Variants in CPNE8 observed in about 807,000 individuals in gnomAD.
CPNE8 encodes copine-8.
Under a neutral mutation model 81.5 loss-of-function variants are expected in CPNE8, and 45 were observed. The observed-to-expected ratio is 0.55, with a 90% CI of 0.44 to 0.71. The LOEUF (loss-of-function observed/expected upper bound fraction) is 0.71. Among genes scored for constraint, CPNE8 ranks in the 30% least tolerant of loss-of-function variants. The pLI is 0.00. For missense variants in CPNE8, 594 were observed against 672.1 expected (o/e 0.88, Z 1.28); for synonymous variants, 252 against 226.3 (o/e 1.11, Z -1.02).
intron 1 of CPNE8, among the ~76,000 whole-genome samples, chr12:38,875,759 T>C (rs1944057101): frequency 6.6e-6 from 1 of 152,186 alleles, no homozygotes; most frequent in African/African-American, 2.4e-5. Flanking sequence ...ACATCAGACA[T>C]ACTCATATTT....
At chr12:38,864,192 C>CT (rs911445648) in intron 3 of CPNE8, among the ~76,000 whole-genome samples, 2 of 152,032 alleles carry the variant, frequency 1.3e-5, no homozygotes, top group African/African-American at 4.8e-5. Flanking sequence ...TTCTGTTGAG[C>CT]TGTGTAATGC....
chr12:38,821,437 T>C (rs554414614), intron 6 of CPNE8, among the ~76,000 whole-genome samples: 1 of 152,192 alleles, frequency 6.6e-6, no homozygotes, highest in Non-Finnish European at 1.5e-5. Flanking sequence ...ATTTGCTCTA[T>C]AAAGTTACCA....
intron 6 of CPNE8, among the ~76,000 whole-genome samples, chr12:38,797,942 G>A (rs1178176453): frequency 1.7e-4 from 26 of 152,072 alleles, no homozygotes; most frequent in Non-Finnish European, 2.9e-5. Flanking sequence ...TAGAAGAAAG[G>A]GTATCAGTGA....
At chr12:38,834,195 T>C (rs1943345322) in intron 5 of CPNE8, among the ~76,000 whole-genome samples, 2 of 152,176 alleles carry the variant, frequency 1.3e-5, no homozygotes, top group Non-Finnish European at 2.9e-5. Flanking sequence ...TATTCTCTTC[T>C]CCATTTGCAT....
At chr12:38,658,202 T>C (rs1938868851) in intron 19 of CPNE8, among the ~76,000 whole-genome samples, 3 of 152,070 alleles carry the variant, frequency 2.0e-5, no homozygotes, top group Admixed American at 2.0e-4. Context: ...GAGAAGACCT[T>C]AAATGACCTG....
chr12:38,905,331 G>T, intron 1 of CPNE8, 106 bp downstream of exon 1: 2 of 1,302,414 alleles, frequency 1.5e-6, no homozygotes, highest in Non-Finnish European at 2.1e-6. Context: ...CACTCATGGC[G>T]CAACTTCTTG....
chr12:38,682,368 G>A (rs1303893958), intron 16 of CPNE8, among the ~76,000 whole-genome samples: 3 of 152,026 alleles, frequency 2.0e-5, no homozygotes, highest in African/African-American at 2.4e-5. Flanking sequence ...GACCAGACTG[G>A]CCAACATGGC....
intron 6 of CPNE8, among the ~76,000 whole-genome samples, chr12:38,802,636 G>A (rs1053941577): frequency 2.6e-5 from 4 of 151,222 alleles, no homozygotes. Context: ...AAAGCTGGCA[G>A]AAGGCAAGAA....
In CPNE8 at chr12:38,809,067, G is replaced by T. The variant is rs566536317; in HGVS notation, c.407+20312C>A. ...AGTATGACCATTTGGAAAACAATTT[G>T]GTTACCTAATAAATTTCAAGCTGCT... On this transcript the variant is annotated intron_variant, in intron 6 of 19. Transcript: ENST00000331366. Among the ~76,000 whole-genome samples, 5 of 152,186 alleles carry T rather than the reference G, an allele frequency of 3.3e-5. No homozygotes were observed. The East Asian group carries it at 9.6e-4, about 29-fold the overall frequency.
At chr12:38,712,318 CT>C (rs1288943581) in intron 13 of CPNE8, among the ~76,000 whole-genome samples, 2 of 152,018 alleles carry the variant, frequency 1.3e-5, no homozygotes, top group East Asian at 3.9e-4. Flanking sequence ...ATCCCCGCCC[CT>C]GCACCTTAGC....
intron 12 of CPNE8, 140 bp downstream of exon 12, chr12:38,724,706 T>C (rs1394611902): frequency 5.3e-6 from 3 of 560,958 alleles, no homozygotes; most frequent in South Asian, 2.4e-5. Context: ...GATTTTTCTA[T>C]TGTGTTCCTT....
chr12:38,715,127 A>G (rs1161648687), intron 13 of CPNE8, among the ~76,000 whole-genome samples: 2 of 152,222 alleles, frequency 1.3e-5, no homozygotes, highest in East Asian at 1.9e-4. Context: ...TTGCAATTCA[A>G]TAAGTTATTT....
intron 10 of CPNE8, among the ~76,000 whole-genome samples, chr12:38,744,014 T>G (rs545847591): frequency 6.6e-6 from 1 of 152,316 alleles, no homozygotes; most frequent in Admixed American, 6.5e-5. Context: ...TAAACATATT[T>G]TTGTTTGGTT....
intron 3 of CPNE8, among the ~76,000 whole-genome samples, chr12:38,849,668 C>T (rs1592136528): frequency 1.3e-5 from 2 of 152,224 alleles, no homozygotes; most frequent in East Asian, 3.9e-4. Flanking sequence ...GGATCACTCC[C>T]AAAAAGAACA....
At chr12:38,815,074 A>G (rs892904429) in intron 6 of CPNE8, among the ~76,000 whole-genome samples, 2 of 152,084 alleles carry the variant, frequency 1.3e-5, no homozygotes, top group African/African-American at 2.4e-5. Flanking sequence ...GGTGTCGTCA[A>G]CCCCAGCTAT....
intron 3 of CPNE8, 40 bp from the exon 4 acceptor site, chr12:38,848,702 C>A (rs371892107): frequency 6.5e-7 from 1 of 1,544,700 alleles, no homozygotes; most frequent in Non-Finnish European, 8.7e-7. Context: ...AAACCTTGTA[C>A]GGCTACTTAT....
At chr12:38,856,547 T>A (rs1943738643) in intron 3 of CPNE8, among the ~76,000 whole-genome samples, 1 of 152,172 alleles carries the variant, frequency 6.6e-6, no homozygotes, top group Non-Finnish European at 1.5e-5. Context: ...TGTCATCAAC[T>A]AATGGCATGG....
At chr12:38,891,994 G>T (rs1033800508) in intron 1 of CPNE8, among the ~76,000 whole-genome samples, 2 of 152,178 alleles carry the variant, frequency 1.3e-5, no homozygotes, top group Non-Finnish European at 2.9e-5. Flanking sequence ...CAAAAAGAAT[G>T]TACAAGAAAT....
At chr12:38,753,238 G>C (rs573347322) in intron 10 of CPNE8, among the ~76,000 whole-genome samples, 1 of 152,100 alleles carries the variant, frequency 6.6e-6, no homozygotes, top group Admixed American at 6.5e-5. Context: ...GATCACTTGA[G>C]CTCAGGAGTT....
Sources: allele counts gnomAD v4.1 joint callset (sites outside exome capture counted in the v4.1 genomes callset), GRCh38; gene constraint gnomAD v4.1.1; transcripts MANE v1.5; gene names NCBI Gene and HGNC (gene_info 2026-07-23, HGNC 2026-07-21).